The following BICD1 variants were observed in gnomAD, a reference collection of about 807,000 sequenced individuals.
BICD1 encodes BICD cargo adaptor 1, also known as protein bicaudal D homolog 1.
A neutral mutation model predicts 92.5 loss-of-function variants in BICD1; 35 were observed. The ratio of observed to expected loss-of-function variants is 0.38; its 90% confidence interval spans 0.29 to 0.50. BICD1 has a LOEUF of 0.50. Ranked by LOEUF, BICD1 falls within the 20% of genes least tolerant of loss-of-function variation. The probability of loss-of-function intolerance (pLI) is 0.93; values close to 1 mark genes in which losing one functional copy is unlikely to be tolerated. For missense variants in BICD1, 950 were observed against 1,189.8 expected (o/e 0.80, Z 2.97); for synonymous variants, 429 against 465.1 (o/e 0.92, Z 1.00).
intron 2 of BICD1, among the ~76,000 whole-genome samples, chr12:32,222,635 G>A (rs913560681): frequency 2.0e-5 from 3 of 152,150 alleles, no homozygotes; most frequent in South Asian, 2.1e-4. Flanking sequence ...GTTTTAATAC[G>A]ATAGCTGCTA....
At chr12:32,264,465 A>G (rs1412640745) in intron 2 of BICD1, among the ~76,000 whole-genome samples, 3 of 152,198 alleles carry the variant, frequency 2.0e-5, no homozygotes, top group African/African-American at 4.8e-5. Context: ...CATTTGTTAC[A>G]GTAAAAAATG....
intron 1 of BICD1, among the ~76,000 whole-genome samples, chr12:32,199,617 G>T (rs1343021377): frequency 1.3e-5 from 2 of 152,144 alleles, no homozygotes; most frequent in African/African-American, 2.4e-5. Context: ...GTGTAAGTGT[G>T]CATTCATCTA....
chr12:32,366,668 C>T (rs1034693774), intron 8 of BICD1, among the ~76,000 whole-genome samples: 1 of 151,060 alleles, frequency 6.6e-6, no homozygotes, highest in African/African-American at 2.5e-5. Flanking sequence ...CAAACAAACA[C>T]ATATAAGGAA....
At chr12:32,116,560 C>T (rs1650719754) in intron 1 of BICD1, among the ~76,000 whole-genome samples, 1 of 151,220 alleles carries the variant, frequency 6.6e-6, no homozygotes, top group African/African-American at 2.4e-5. Context: ...CACTCTGTCG[C>T]TCTGACTGAA....
At chr12:32,367,629 C>A in intron 8 of BICD1, 41 bp from the exon 9 acceptor site, 1 of 1,582,612 alleles carries the variant, frequency 6.3e-7, no homozygotes, top group South Asian at 1.1e-5. Context: ...CTTGCTCTGT[C>A]ATCTCTTTGT....
chr12:32,203,730 A>C (rs1944971693), intron 1 of BICD1, among the ~76,000 whole-genome samples: 1 of 152,164 alleles, frequency 6.6e-6, no homozygotes, highest in Non-Finnish European at 1.5e-5. Flanking sequence ...CTGCATATGT[A>C]AGTCCCCTCG....
chr12:32,123,036 A>G (rs983577447), intron 1 of BICD1, among the ~76,000 whole-genome samples: 4 of 152,164 alleles, frequency 2.6e-5, no homozygotes, highest in African/African-American at 9.6e-5. Context: ...CGGAGCCTAC[A>G]TTTTGTGGGG....
intron 5 of BICD1, among the ~76,000 whole-genome samples, chr12:32,329,725 A>T (rs1310087860): frequency 6.6e-6 from 1 of 152,202 alleles, no homozygotes; most frequent in Non-Finnish European, 1.5e-5. Flanking sequence ...CTAGCTATTG[A>T]TCTTGTCCTT....
At chr12:32,321,917 T>C (rs1745630084) in intron 4 of BICD1, among the ~76,000 whole-genome samples, 1 of 152,272 alleles carries the variant, frequency 6.6e-6, no homozygotes, top group South Asian at 2.1e-4. Flanking sequence ...GAGAATCACT[T>C]GAACCTAGAA....
At chr12:32,357,232 C>T (rs531322756) in intron 8 of BICD1, among the ~76,000 whole-genome samples, 3 of 152,094 alleles carry the variant, frequency 2.0e-5, no homozygotes, top group South Asian at 4.2e-4. Flanking sequence ...AGGCTGGTCT[C>T]GAACTCCTGA....
intron 1 of BICD1, among the ~76,000 whole-genome samples, chr12:32,134,797 C>G (rs1391502159): frequency 1.3e-5 from 2 of 152,168 alleles, no homozygotes; most frequent in Non-Finnish European, 2.9e-5. Context: ...GGAGCAATGC[C>G]GACAAGCCTG....
chr12:32,239,027 A>G (rs1946157704), intron 2 of BICD1, among the ~76,000 whole-genome samples: 1 of 149,712 alleles, frequency 6.7e-6, no homozygotes, highest in Non-Finnish European at 1.5e-5. Context: ...CAGGTGGATC[A>G]TGAGGTCAGG....
At chr12:32,201,292 T>G (rs1944900217) in intron 1 of BICD1, among the ~76,000 whole-genome samples, 1 of 152,234 alleles carries the variant, frequency 6.6e-6, no homozygotes, top group Non-Finnish European at 1.5e-5. Flanking sequence ...CAGTTAATTT[T>G]CTTGAGCTGA....
rs1945613916 is a variant in BICD1 at position 32,224,051 on chromosome 12, ATG to A, written c.426+7594_426+7595del. Among the ~76,000 whole-genome samples, 3 of 152,376 alleles carry A rather than the reference ATG, an allele frequency of 2.0e-5. No homozygotes were observed. In the South Asian group the frequency reaches 6.2e-4, roughly 32 times the overall value. On this transcript the variant is annotated intron_variant, in intron 2 of 9. Coordinates refer to ENST00000652176, the MANE Select transcript of BICD1 (RefSeq NM_001714.4). ...CAGACACACAAAGTGAGCACATTTA[ATG>A]TATCCAGTAAAAACCAAAGTGTTTC...
rs1424867366 is a variant in BICD1 at position 32,292,534 on chromosome 12, G to A, written c.427-1460G>A. 2.0e-5 allele frequency among the ~76,000 whole-genome samples: 3 copies of A among 152,174 alleles called. No individual in the cohort carries two copies. In the East Asian group the frequency reaches 5.8e-4, roughly 29 times the overall value. On this transcript the variant is annotated intron_variant, in intron 2 of 9. Transcript: ENST00000652176. ...TGAACTTTACATGCAGAATCATATT[G>A]TATGTAGTCTTTTGCATCTGGCTTA...
intron 1 of BICD1, among the ~76,000 whole-genome samples, chr12:32,151,790 G>A (rs1380572569): frequency 6.6e-6 from 1 of 152,100 alleles, no homozygotes; most frequent in African/African-American, 2.4e-5. Flanking sequence ...TGTGGTTGCA[G>A]GGCATCCCTA....
chr12:32,242,971 A>G (rs1297215871), intron 2 of BICD1, among the ~76,000 whole-genome samples: 1 of 152,188 alleles, frequency 6.6e-6, no homozygotes, highest in East Asian at 1.9e-4. Context: ...GTCTGTTGTG[A>G]GGATTAAATG....
intron 2 of BICD1, among the ~76,000 whole-genome samples, chr12:32,222,364 C>A (rs1459445631): frequency 6.6e-6 from 1 of 152,182 alleles, no homozygotes. Flanking sequence ...CGTGCCTTAA[C>A]TGCTGAATCT....
Position 32,377,644 on chromosome 12 carries a change from A to G in BICD1, c.*17A>G. 3 of 1,602,090 alleles carry G rather than the reference A, an allele frequency of 1.9e-6. No homozygotes were observed. The highest frequency in any genetic ancestry group is 2.6e-6 in the Non-Finnish European group (3 of 1,169,276). On this transcript the variant is annotated 3_prime_UTR_variant, in exon 10 of 10. Coordinates refer to ENST00000652176, the MANE Select transcript of BICD1 (RefSeq NM_001714.4). ...CACCCCTAGTCTTCATCTCCTGTGGACGAACATCTGGGGTGGAAGTTTTGT... is the reference window on the plus strand; with the variant it reads ...CACCCCTAGTCTTCATCTCCTGTGGGCGAACATCTGGGGTGGAAGTTTTGT...
Sources: allele counts gnomAD v4.1 joint callset (sites outside exome capture counted in the v4.1 genomes callset), GRCh38; gene constraint gnomAD v4.1.1; transcripts MANE v1.5; gene names NCBI Gene and HGNC (gene_info 2026-07-23, HGNC 2026-07-21).